Variants in NBPF3 observed in about 807,000 individuals in gnomAD.
NBPF3 encodes NBPF family member NBPF3.
Under a neutral mutation model 78.1 loss-of-function variants are expected in NBPF3, and 57 were observed. The observed-to-expected ratio is 0.73, with a 90% CI of 0.59 to 0.91. The LOEUF (loss-of-function observed/expected upper bound fraction) is 0.91. NBPF3 is among the 40% of genes least tolerant of loss of function. NBPF3 has a pLI of 0.00. For missense variants in NBPF3, 510 were observed against 715.3 expected (o/e 0.71, Z 3.27); for synonymous variants, 182 against 271.7 (o/e 0.67, Z 3.25).
Position 21,481,589 on chromosome 1 carries a change from T to C in NBPF3, c.1434-8T>C. The C allele has an allele frequency of 6.2e-7, 1 of 1,610,444 alleles. No homozygotes were observed. ...CTGGCTTATTCTTTACTTTTTCTAC[T>C]TTTCCAGGCTCAGCAGAGAGCTGCC... is the stretch of plus-strand genomic sequence containing the variant. On this transcript the variant is annotated splice_polypyrimidine_tract_variant and splice_region_variant and intron_variant, in intron 12 of 14. Transcript: ENST00000318249.
chr1:21,445,136 C>G lies in NBPF3; in HGVS notation c.50C>G (p.Pro17Arg). Reference protein sequence around the residue: ...VQGFQWTLRGPDVETSPFGAP... With the variant: ...VQGFQWTLRGRDVETSPFGAP... ...GGCTTCCAGTGGACTCTCCGAGGCC[C>G]TGATGTAGAAACTTCCCCATTCGGT... Residue 17 changes from proline to arginine, a missense_variant, in exon 2 of 15, where the codon CCT (proline) becomes CGT (arginine). By Grantham distance (103) the Pro-to-Arg change is moderately radical. Transcript: ENST00000318249. 6.2e-7 allele frequency: 1 copy of G among 1,611,928 alleles called. No homozygotes were observed. Among genetic ancestry groups the G allele is most frequent in the Admixed American group, 1.7e-5 (1 of 60,020 alleles).
Position 21,445,203 on chromosome 1 carries a change from G to T in NBPF3, c.117G>T (p.Glu39Asp). 2 of 1,611,842 alleles carry T rather than the reference G, an allele frequency of 1.2e-6. No individual in the cohort carries two copies. The highest frequency in any genetic ancestry group is 1.7e-6 in the Non-Finnish European group (2 of 1,179,734). ...CACATGGTGTGGGCCGACATCAAGAGCTGCGAGATCCAACAGGTAAAAATC... is the reference window on the plus strand; with the variant it reads ...CACATGGTGTGGGCCGACATCAAGATCTGCGAGATCCAACAGGTAAAAATC... Reference protein sequence around the residue: ...AASHGVGRHQELRDPTVPGPT... With the variant: ...AASHGVGRHQDLRDPTVPGPT... Residue 39 changes from glutamate to aspartate, a missense_variant, in exon 2 of 15, where the codon GAG becomes GAT. Glu to Asp is a conservative substitution (Grantham distance 45). Transcript: ENST00000318249.
chr1:21,457,384 A>ATATATATGTATG (rs928952587), intron 2 of NBPF3, among the ~76,000 whole-genome samples: 6 of 149,788 alleles, frequency 4.0e-5, no homozygotes, highest in African/African-American at 1.2e-4. Flanking sequence ...ATATGTATGT[A>ATATATATGTATG]TATATATGTA....
intron 2 of NBPF3, among the ~76,000 whole-genome samples, chr1:21,466,476 T>C (rs1356539502): frequency 6.6e-5 from 10 of 152,306 alleles, no homozygotes; most frequent in Admixed American, 1.3e-4. Context: ...TTAGTGAGAA[T>C]CATTGGTATT....
At chr1:21,453,507 G>T (rs58392257) in intron 2 of NBPF3, 24,514 of 152,268 alleles carry the variant, frequency 0.16, 2,422 homozygotes, top group Non-Finnish European at 0.22. Flanking sequence ...GGCGGGAGAT[G>T]CTGCATGGAT....
Position 21,470,622 on chromosome 1 carries a change from C to A in NBPF3, c.344-10C>A. ...CTTTCACTGAGGCAGGCGTGTGTGT[C>A]TTTTCTCAGACTATGAAGACTGCAA... On this transcript the variant is annotated splice_polypyrimidine_tract_variant and intron_variant, in intron 3 of 14. Transcript: ENST00000318249. The A allele has an allele frequency of 1.3e-6, 2 of 1,584,056 alleles. No homozygotes were observed. The highest frequency in any genetic ancestry group is 1.7e-6 in the Non-Finnish European group (2 of 1,159,676).
At chr1:21,459,532 A>G (rs576799145) in intron 2 of NBPF3, among the ~76,000 whole-genome samples, 273 of 152,298 alleles carry the variant, frequency 1.8e-3, no homozygotes, top group Middle Eastern at 0.01. Flanking sequence ...CCTGGCCCCC[A>G]GCCCATGTGG....
chr1:21,475,856 A>G (rs536097569), intron 8 of NBPF3, among the ~76,000 whole-genome samples: 6 of 152,236 alleles, frequency 3.9e-5, no homozygotes, highest in South Asian at 2.1e-4. Flanking sequence ...TGATCTGTCA[A>G]ATATTGACAG....
At chr1:21,477,406 G>A (rs1204755728) in intron 8 of NBPF3, among the ~76,000 whole-genome samples, 3 of 152,182 alleles carry the variant, frequency 2.0e-5, no homozygotes, top group East Asian at 3.9e-4. Context: ...CCACATCTTC[G>A]TGGTTTTATC....
At chr1:21,468,532 T>C in intron 2 of NBPF3, 156 bp from the exon 3 acceptor site, 5 of 1,497,124 alleles carry the variant, frequency 3.3e-6, no homozygotes. Context: ...GAACATTGTT[T>C]TTGTCGTTAA....
chr1:21,464,999 T>G (rs1190788521), intron 2 of NBPF3, among the ~76,000 whole-genome samples: 1 of 98,590 alleles, frequency 1.0e-5, no homozygotes, highest in East Asian at 3.0e-4. Context: ...AATAAGACCC[T>G]GTCTCAAAAA....
intron 2 of NBPF3, among the ~76,000 whole-genome samples, chr1:21,463,517 G>A (rs77602528): frequency 6.6e-6 from 1 of 152,148 alleles, no homozygotes; most frequent in African/African-American, 2.4e-5. Flanking sequence ...TTCAAAAGAC[G>A]ATGTCTTGAA....
chr1:21,453,141 A>G (rs1641405605), intron 2 of NBPF3, among the ~76,000 whole-genome samples: 1 of 152,122 alleles, frequency 6.6e-6, no homozygotes, highest in African/African-American at 2.4e-5. Context: ...CCCTTCTAGA[A>G]TGCATTCCTG....
chr1:21,456,260 A>ATT (rs1641595038), intron 2 of NBPF3, among the ~76,000 whole-genome samples: 2 of 152,222 alleles, frequency 1.3e-5, no homozygotes, highest in Non-Finnish European at 2.9e-5. Flanking sequence ...CCAAGTCGAC[A>ATT]TTTAAGCAAA....
At chr1:21,467,580 G>C (rs978770195) in intron 2 of NBPF3, among the ~76,000 whole-genome samples, 1 of 152,188 alleles carries the variant, frequency 6.6e-6, no homozygotes, top group African/African-American at 2.4e-5. Context: ...CAACGAAATA[G>C]ATATCAAACC....
At chr1:21,450,670 A>G (rs1641257745) in intron 2 of NBPF3, among the ~76,000 whole-genome samples, 1 of 152,220 alleles carries the variant, frequency 6.6e-6, no homozygotes, top group Non-Finnish European at 1.5e-5. Context: ...TTAAAGCATT[A>G]GTTCAACATG....
chr1:21,481,217 A>G (rs1329804862), intron 12 of NBPF3, among the ~76,000 whole-genome samples: 3 of 151,388 alleles, frequency 2.0e-5, no homozygotes, highest in Admixed American at 6.6e-5. Flanking sequence ...CTGTATCCTC[A>G]TGGTGACTGC....
chr1:21,478,430 A>C, intron 9 of NBPF3, 123 bp downstream of exon 9: 1 of 1,102,556 alleles, frequency 9.1e-7, no homozygotes, highest in Non-Finnish European at 1.4e-6. Flanking sequence ...GAACCTATAT[A>C]TCAATGTAGA....
chr1:21,445,126 C>T lies in NBPF3; in HGVS notation c.40C>T (p.Leu14Phe). The T allele has an allele frequency of 6.2e-7, 1 of 1,611,934 alleles. No homozygotes were observed. The highest frequency in any genetic ancestry group is 8.5e-7 in the Non-Finnish European group (1 of 1,179,826). Residue 14 changes from leucine (L) to phenylalanine (F), a missense_variant, in exon 2 of 15, where the codon CTC (leucine) becomes TTC (phenylalanine). Around this residue, in one of 5 missense-constraint regions of NBPF3, gnomAD observed 440 missense variants for 478.2 expected, o/e 0.92. Coordinates refer to ENST00000318249, the MANE Select transcript of NBPF3 (RefSeq NM_032264.6). ...CACTGTCCAGGGCTTCCAGTGGACT[C>T]TCCGAGGCCCTGATGTAGAAACTTC... The part of the protein sequence containing the change: ...TPTVQGFQWT[L>F]RGPDVETSPF...
Sources: allele counts gnomAD v4.1 joint callset (sites outside exome capture counted in the v4.1 genomes callset), GRCh38; gene constraint gnomAD v4.1.1; regional missense constraint gnomAD v4.1.1; transcripts MANE v1.5; gene names NCBI Gene and HGNC (gene_info 2026-07-23, HGNC 2026-07-21).